The following WDR59 variants were observed in gnomAD, a reference collection of about 807,000 sequenced individuals.
WDR59 encodes the protein GATOR2 complex protein WDR59.
A neutral mutation model predicts 131.2 loss-of-function variants in WDR59; 100 were observed. The ratio of observed to expected loss-of-function variants is 0.76; its 90% CI spans 0.65 to 0.90. WDR59 has a LOEUF of 0.90. Ranked by LOEUF, WDR59 falls within the 40% of genes least tolerant of loss-of-function variation. The probability of loss-of-function intolerance (pLI) is 0.00; values close to 1 mark genes in which losing one functional copy is unlikely to be tolerated. For synonymous variants in WDR59, 601 were observed against 466.2 expected (o/e 1.29, Z -3.72); for missense variants, 1,203 against 1,262.2 (o/e 0.95, Z 0.71).
chr16:74,927,437 A>G (rs2030924837), intron 8 of WDR59, among the ~76,000 whole-genome samples: 1 of 151,848 alleles, frequency 6.6e-6, no homozygotes, highest in Non-Finnish European at 1.5e-5. Flanking sequence ...AAAATACACA[A>G]ATTAGCCAGG....
intron 14 of WDR59, among the ~76,000 whole-genome samples, chr16:74,910,902 T>A (rs1362824836): frequency 6.6e-6 from 1 of 152,154 alleles, no homozygotes; most frequent in Non-Finnish European, 1.5e-5. Flanking sequence ...CAGTCTCTGT[T>A]GCCCAGACTG....
chr16:74,883,512 A>G (rs982827454), intron 25 of WDR59, among the ~76,000 whole-genome samples: 2 of 152,136 alleles, frequency 1.3e-5, no homozygotes, highest in African/African-American at 4.8e-5. Context: ...CTTCTTGTAC[A>G]ATTAGGCTTT....
chr16:74,883,045 G>C (rs1487986550), intron 25 of WDR59, among the ~76,000 whole-genome samples: 1 of 96,354 alleles, frequency 1.0e-5, no homozygotes, highest in Non-Finnish European at 1.9e-5. Context: ...TTTTTTTTGA[G>C]ACAGAGTCTC....
intron 24 of WDR59, 148 bp downstream of exon 24, chr16:74,886,122 G>C (rs1216447595): frequency 2.0e-6 from 2 of 1,022,712 alleles, no homozygotes; most frequent in Non-Finnish European, 2.7e-6. Context: ...AGGTTGCAGA[G>C]AGCCGAGATC....
intron 17 of WDR59, among the ~76,000 whole-genome samples, chr16:74,906,721 G>A (rs1965838201): frequency 6.6e-6 from 1 of 152,168 alleles, no homozygotes; most frequent in Non-Finnish European, 1.5e-5. Flanking sequence ...ACATTAAGTT[G>A]AGCAAAGTAA....
At chr16:74,972,003 C>T (rs2034002249) in intron 1 of WDR59, among the ~76,000 whole-genome samples, 1 of 152,080 alleles carries the variant, frequency 6.6e-6, no homozygotes, top group Non-Finnish European at 1.5e-5. Context: ...GCCACCATGC[C>T]CAGCCAAACT....
intron 17 of WDR59, among the ~76,000 whole-genome samples, chr16:74,906,033 G>A (rs572524867): frequency 1.3e-5 from 2 of 151,630 alleles, no homozygotes; most frequent in African/African-American, 2.4e-5. Context: ...ACAGTGAGAC[G>A]GCCGGGCGCG....
In WDR59 at chr16:74,909,849, C is replaced by T; in HGVS notation, c.1458G>A (p.Gln486=). 6.2e-7 allele frequency: 1 copy of T among 1,612,756 alleles called. No individual in the cohort carries two copies. Reference sequence around the variant, plus strand: ...CAAAGGACTCAAGGCAGGAGACGAGCTGGCGCAGGCAGGGCTCCAGGCAGC... The same window carrying T: ...CAAAGGACTCAAGGCAGGAGACGAGTTGGCGCAGGCAGGGCTCCAGGCAGC... ...GQSCLEPCLR[Q]LVSCLESFVN... The change falls in exon 15 of 26, where the codon CAG becomes CAA. Residue 486 remains glutamine, a synonymous_variant. Coordinates refer to ENST00000262144, the MANE Select transcript of WDR59 (RefSeq NM_030581.4).
intron 2 of WDR59, among the ~76,000 whole-genome samples, chr16:74,956,820 G>C (rs115900465): frequency 0.016 from 2,442 of 152,236 alleles, 53 homozygotes; most frequent in African/African-American, 0.056. Context: ...CCCTGTGAGA[G>C]TCCCACCTCC....
intron 7 of WDR59, among the ~76,000 whole-genome samples, chr16:74,942,272 C>A (rs1355966326): frequency 6.6e-6 from 1 of 152,058 alleles, no homozygotes; most frequent in Non-Finnish European, 1.5e-5. Flanking sequence ...TCATGAGCAC[C>A]CTACCTTGCT....
At chr16:74,937,772 G>C (rs575728560) in intron 8 of WDR59, among the ~76,000 whole-genome samples, 123 of 152,272 alleles carry the variant, frequency 8.1e-4, no homozygotes, top group Middle Eastern at 3.4e-3. Flanking sequence ...AAAGTGCTGG[G>C]ATTACAGGTG....
At chr16:74,887,815 G>C in intron 22 of WDR59, 60 bp from the exon 23 acceptor site, 1 of 1,526,726 alleles carries the variant, frequency 6.5e-7, no homozygotes, top group South Asian at 1.1e-5. Context: ...CCCCATGACA[G>C]TTCACATTAA....
intron 1 of WDR59, among the ~76,000 whole-genome samples, chr16:74,976,708 T>A (rs1286312644): frequency 6.6e-6 from 1 of 152,204 alleles, no homozygotes. Context: ...CCCAAAGTGC[T>A]GGGATTACAG....
chr16:74,902,661 C>A (rs1965610001), intron 18 of WDR59, among the ~76,000 whole-genome samples: 4 of 152,106 alleles, frequency 2.6e-5, no homozygotes, highest in Admixed American at 1.3e-4. Context: ...TTGACCTGGC[C>A]CTGACACTAA....
chr16:74,936,568 G>A (rs528818023), intron 8 of WDR59, among the ~76,000 whole-genome samples: 2 of 152,178 alleles, frequency 1.3e-5, no homozygotes, highest in South Asian at 4.2e-4. Flanking sequence ...GCTCATGCCT[G>A]TAATCCCAGC....
At chr16:74,944,367 G>A (rs1006800684) in intron 6 of WDR59, among the ~76,000 whole-genome samples, 4 of 151,698 alleles carry the variant, frequency 2.6e-5, no homozygotes, top group African/African-American at 9.7e-5. Context: ...TTGGGAGACT[G>A]AGGCAGGAGA....
At chr16:74,876,418 G>C (rs1348116010) in intron 25 of WDR59, among the ~76,000 whole-genome samples, 1 of 152,134 alleles carries the variant, frequency 6.6e-6, no homozygotes, top group Non-Finnish European at 1.5e-5. Context: ...TAAATATTGT[G>C]TGTTCAGGTA....
rs1185588767 is a variant in WDR59 at position 74,965,662 on chromosome 16, A to C, written c.104+111T>G. ...GAGGCAAACAGGATATCAGAACTAAACCCTATGATCATAATCCGTAAATAT... is the reference window on the plus strand; with the variant it reads ...GAGGCAAACAGGATATCAGAACTAACCCCTATGATCATAATCCGTAAATAT... On this transcript the variant is annotated intron_variant, in intron 2 of 25. Transcript: ENST00000262144. 3.8e-6 allele frequency: 5 copies of C among 1,332,338 alleles called. No homozygotes were observed. In the African/African-American group the frequency reaches 7.2e-5, roughly 19 times the overall value. The allele number at this position is 1,332,338 out of a possible 1,614,324, so 82.5% of individuals were successfully genotyped here. A position where few individuals can be genotyped will look rare whatever the true frequency, so the allele number is the denominator to read the frequency against.
intron 1 of WDR59, among the ~76,000 whole-genome samples, chr16:74,970,272 C>T (rs759600771): frequency 1.3e-5 from 2 of 151,916 alleles, no homozygotes; most frequent in Non-Finnish European, 2.9e-5. Flanking sequence ...CTAGCAGTAC[C>T]ATGCTGTTTG....
Sources: allele counts gnomAD v4.1 joint callset (sites outside exome capture counted in the v4.1 genomes callset), GRCh38; gene constraint gnomAD v4.1.1; transcripts MANE v1.5; gene names NCBI Gene and HGNC (gene_info 2026-07-23, HGNC 2026-07-21).